ATM: variants seen among roughly 807,000 people sequenced by gnomAD.
ATM encodes the protein ATM serine/threonine kinase.
In ATM, 308 loss-of-function variants were observed where a neutral mutation model predicts 387.0. The ratio of observed to expected loss-of-function variants is 0.80; its 90% CI spans 0.73 to 0.87. ATM has a LOEUF of 0.87. Among genes scored for constraint, ATM ranks in the 40% least tolerant of loss-of-function variants. ATM has a pLI of 0.00. For missense variants in ATM, 3,312 were observed against 3,560.9 expected (o/e 0.93, Z 1.78); for synonymous variants, 1,156 against 1,187.3 (o/e 0.97, Z 0.54).
chr11:108,312,997 C>G (rs985393468), intron 40 of ATM, among the ~76,000 whole-genome samples: 2 of 152,192 alleles, frequency 1.3e-5, no homozygotes, highest in Admixed American at 1.3e-4. Flanking sequence ...TTAAACCTCT[C>G]ATCTTCTCTT....
intron 23 of ATM, 76 bp from the exon 24 acceptor site, chr11:108,280,919 G>A (rs976768377): frequency 2.5e-5 from 34 of 1,366,752 alleles, no homozygotes; most frequent in Non-Finnish European, 3.3e-5. Flanking sequence ...AAAATCTGGA[G>A]TTCAGTTGGG....
intron 23 of ATM, among the ~76,000 whole-genome samples, chr11:108,280,520 G>GGTGT (rs142379744): frequency 1.2e-4 from 18 of 150,732 alleles, no homozygotes; most frequent in African/African-American, 3.2e-4. Context: ...ACATAGTAGG[G>GGTGT]GTGTGTGTGT....
At chr11:108,358,622 G>A (rs1223974501) in intron 61 of ATM, among the ~76,000 whole-genome samples, 45 of 137,194 alleles carry the variant, frequency 3.3e-4, no homozygotes, top group Admixed American at 5.3e-4. Flanking sequence ...CAAGCCAGAA[G>A]AGAGTGGGGG....
chr11:108,297,527 G>A (rs148663173), intron 33 of ATM, 145 bp downstream of exon 33: 1 of 721,798 alleles, frequency 1.4e-6, no homozygotes, highest in East Asian at 2.7e-5. Context: ...TGTAGCCTAG[G>A]TGTGTAGTAG....
chr11:108,332,800 C>T lies in ATM; in HGVS notation c.7827C>T (p.Ile2609=), dbSNP rs768423205. The change falls in exon 53 of 63, where the codon ATC becomes ATT. Residue 2609 remains isoleucine (I), a synonymous_variant. Coordinates refer to ENST00000675843, the MANE Select transcript of ATM (RefSeq NM_000051.4). ...TEAANRIICT[I]RSRRPQMVRS... ...CTGCAAATAGAATAATATGTACTAT[C>T]AGAAGTAGGAGACCTCAGATGGTCA... 6.2e-7 allele frequency: 1 copy of T among 1,613,246 alleles called. No individual in the cohort carries two copies.
chr11:108,365,854 C>A lies in ATM; in HGVS notation c.*346C>A, dbSNP rs2091289659. On this transcript the variant is annotated 3_prime_UTR_variant, in exon 63 of 63. Transcript: ENST00000675843. ...GACCAGCCTGGCCAGTATGGTGAAA[C>A]CCTGTCTCTACTAAAAATACAAAAA... is the stretch of plus-strand genomic sequence containing the variant. 3.9e-6 allele frequency: 1 copy of A among 256,390 alleles called. No homozygotes were observed. The allele number at this position is 256,390 out of a possible 1,614,324, so 15.9% of individuals were successfully genotyped here.
intron 26 of ATM, among the ~76,000 whole-genome samples, chr11:108,286,595 T>G (rs551814352): frequency 9.9e-5 from 15 of 152,276 alleles, no homozygotes; most frequent in African/African-American, 3.4e-4. Flanking sequence ...TCAGAGGTAC[T>G]TTCAATTTCT....
Position 108,312,457 on chromosome 11 carries a change from T to G in ATM, c.5965T>G (p.Leu1989Val). Residue 1989 changes from leucine to valine, a missense_variant, in exon 40 of 63, where the codon TTG becomes GTG. By Grantham distance (32) the Leu-to-Val change is conservative. This residue lies in a region of ATM where 1,405 missense variants were observed against 1,604.4 expected (regional missense o/e 0.88). Coordinates refer to ENST00000675843, the MANE Select transcript of ATM (RefSeq NM_000051.4). The part of the protein sequence containing the change: ...EGSQSTTISS[L>V]SEKSKEETGI... ...AAGCCAGAGTACAACTATTTCTAGC[T>G]TGAGTGAAAAAAGTAAAGAAGAAAC... 6.3e-7 allele frequency: 1 copy of G among 1,597,006 alleles called. No individual in the cohort carries two copies. Among genetic ancestry groups the G allele is most frequent in the East Asian group, 2.2e-5 (1 of 44,646 alleles).
intron 16 of ATM, among the ~76,000 whole-genome samples, chr11:108,263,610 G>T (rs1364334077): frequency 6.7e-6 from 1 of 149,598 alleles, no homozygotes; most frequent in Admixed American, 6.7e-5. Context: ...TCAAAAGCTA[G>T]CAGAAGGCAA....
intron 22 of ATM, among the ~76,000 whole-genome samples, chr11:108,273,216 T>C (rs2081708346): frequency 6.6e-6 from 1 of 152,044 alleles, no homozygotes; most frequent in African/African-American, 2.4e-5. Flanking sequence ...ACATTTTACA[T>C]TGTGCTAATT....
At position 108,295,043 on chromosome 11, in the gene ATM, T is replaced by A. The variant is rs1591685188; in HGVS notation, c.4893T>A (p.Ile1631=). The A allele has an allele frequency of 1.9e-6, 3 of 1,613,904 alleles. No individual in the cohort carries two copies. Among genetic ancestry groups the A allele is most frequent in the Non-Finnish European group, 2.5e-6 (3 of 1,179,862 alleles). The change falls in exon 32 of 63, where the codon ATT becomes ATA. Residue 1631 remains isoleucine (I), a synonymous_variant. Transcript: ENST00000675843. ...LELHKDQMVD[I]MRASQDNPQD... ...TACATAAAGATCAGATGGTGGACAT[T>A]ATGAGAGCTTCTCAGGGTGCTAATT...
Position 108,272,618 on chromosome 11 carries a change from G to A in ATM, c.3153+11G>A, listed in dbSNP as rs760086749. ...AAAACTTTGCTTGAGGTGAGTTTTT[G>A]CATTTTTTTAGTAAGATCTCCATTG... On this transcript the variant is annotated intron_variant, in intron 21 of 62. Transcript: ENST00000675843. 6 of 1,613,350 alleles carry A rather than the reference G, an allele frequency of 3.7e-6. No individual in the cohort carries two copies. In the South Asian group the frequency reaches 5.5e-5, roughly 15 times the overall value.
Position 108,320,024 on chromosome 11 carries a change from T to C in ATM, c.6418T>C (p.Phe2140Leu), listed in dbSNP as rs1397647612. ...NALQSLRDREFSTFYESLKYA... is the reference protein window; with the variant it reads ...NALQSLRDRELSTFYESLKYA... ...TCTACAATCTCTAAGAGACAGAGAA[T>C]TCTCTACATTTTATGAAAGTCTCAA... The change falls in exon 44 of 63, where the codon TTC (phenylalanine) becomes CTC (leucine). Residue 2140 changes from phenylalanine (F) to leucine (L), a missense_variant. Phe to Leu is a conservative substitution (Grantham distance 22). Around this residue, in one of 4 missense-constraint regions of ATM, gnomAD observed 1,405 missense variants for 1,604.4 expected, o/e 0.88. Transcript: ENST00000675843. 2 of 1,609,920 alleles carry C rather than the reference T, an allele frequency of 1.2e-6. No homozygotes were observed. The highest frequency in any genetic ancestry group is 2.2e-5 in the South Asian group (2 of 90,984).
chr11:108,288,261 G>A (rs1195361172), intron 27 of ATM, among the ~76,000 whole-genome samples: 1 of 151,992 alleles, frequency 6.6e-6, no homozygotes, highest in Non-Finnish European at 1.5e-5. Flanking sequence ...TTTTGGTAGA[G>A]ACGGGGTTTC....
At chr11:108,357,072 A>T (rs1458080142) in intron 61 of ATM, among the ~76,000 whole-genome samples, 1 of 152,246 alleles carries the variant, frequency 6.6e-6, no homozygotes, top group Non-Finnish European at 1.5e-5. Flanking sequence ...CAGTGGGCGC[A>T]GGTCAGTGGG....
At chr11:108,268,063 C>T (rs918263674) in intron 17 of ATM, among the ~76,000 whole-genome samples, 11 of 152,148 alleles carry the variant, frequency 7.2e-5, no homozygotes, top group African/African-American at 2.7e-4. Context: ...TCTTGATAGT[C>T]ATACTTTTTA....
At chr11:108,289,161 C>T in intron 28 of ATM, 58 bp downstream of exon 28, 2 of 1,511,882 alleles carry the variant, frequency 1.3e-6, no homozygotes, top group African/African-American at 1.4e-5. Flanking sequence ...GCTAAAAAAA[C>T]TTTGTAAATA....
At chr11:108,245,917 T>C (rs1007232400) in intron 7 of ATM, among the ~76,000 whole-genome samples, 5 of 149,568 alleles carry the variant, frequency 3.3e-5, no homozygotes, top group African/African-American at 1.2e-4. Context: ...CTCCGCCTCC[T>C]GGGTTCAAGC....
At position 108,279,626 on chromosome 11, in the gene ATM, G is replaced by A. The variant is rs752000273; in HGVS notation, c.3402+18G>A. 5.1e-6 allele frequency: 8 copies of A among 1,553,950 alleles called. No homozygotes were observed. In the South Asian group the frequency reaches 6.7e-5, roughly 13 times the overall value. Reference sequence around the variant, plus strand: ...GAGAAATGGTAATTTTAAGTAACATGTATTTGCTGTTATCATATGCTTGCT... The same window carrying A: ...GAGAAATGGTAATTTTAAGTAACATATATTTGCTGTTATCATATGCTTGCT... On this transcript the variant is annotated intron_variant, in intron 23 of 62. Transcript: ENST00000675843.
Sources: gnomAD v4.1 joint callset for allele counts (sites outside exome capture counted in the v4.1 genomes callset) on GRCh38, gnomAD v4.1.1 for gene constraint, gnomAD v4.1.1 regional missense constraint, MANE v1.5 for transcripts, NCBI Gene and HGNC (gene_info 2026-07-23, HGNC 2026-07-21) for gene names.